Variants in CNTNAP2 observed in about 807,000 individuals in gnomAD.
CNTNAP2 encodes contactin-associated protein-like 2.
Under a neutral mutation model 155.2 loss-of-function variants are expected in CNTNAP2, and 98 were observed. The ratio of observed to expected loss-of-function variants is 0.63; its 90% CI spans 0.54 to 0.75. The LOEUF (loss-of-function observed/expected upper bound fraction) is 0.75. Among genes scored for constraint, CNTNAP2 ranks in the 30% least tolerant of loss-of-function variants. The pLI is 0.00. For synonymous variants in CNTNAP2, 651 were observed against 631.2 expected (o/e 1.03, Z -0.47); for missense variants, 1,727 against 1,688.1 (o/e 1.02, Z -0.40).
At chr7:146,460,499 G>A (rs1230621711) in intron 1 of CNTNAP2, among the ~76,000 whole-genome samples, 2 of 152,048 alleles carry the variant, frequency 1.3e-5, no homozygotes, top group East Asian at 1.9e-4. Context: ...AGCACTGTTC[G>A]CAATAGCCAA....
Position 147,395,761 on chromosome 7 carries a change from A to G in CNTNAP2, c.1651A>G (p.Met551Val). 1 of 1,612,314 alleles carries G rather than the reference A, an allele frequency of 6.2e-7. No individual in the cohort carries two copies. The highest frequency in any genetic ancestry group is 8.5e-7 in the Non-Finnish European group (1 of 1,178,668). ...PGSFANVSIDMCAIIDRCVPN... is the reference protein window; with the variant it reads ...PGSFANVSIDVCAIIDRCVPN... ...AAGTTTCGCGAATGTCAGCATTGAC[A>G]TGTGTGCGATCATAGACAGGTAAAT... The change falls in exon 10 of 24, where the codon ATG (methionine) becomes GTG (valine). Residue 551 changes from methionine to valine, a missense_variant. Coordinates refer to ENST00000361727, the MANE Select transcript of CNTNAP2 (RefSeq NM_014141.6).
At chr7:147,924,893 G>A (rs62471062) in intron 14 of CNTNAP2, among the ~76,000 whole-genome samples, 30,010 of 151,748 alleles carry the variant, frequency 0.2, 3,637 homozygotes, top group Middle Eastern at 0.34. Context: ...CTAGGCGGGC[G>A]GATCATGAGG....
At chr7:147,462,780 T>G (rs35658656) in intron 10 of CNTNAP2, among the ~76,000 whole-genome samples, 118,156 of 151,350 alleles carry the variant, frequency 0.78, 46,470 homozygotes, top group African/African-American at 0.88. Context: ...TTTGTTTGTT[T>G]GTTTGTTGGT....
intron 1 of CNTNAP2, chr7:146,117,208 G>T (rs1797496865): frequency 1.8e-6 from 1 of 557,536 alleles, no homozygotes. Flanking sequence ...TCCTGGTCTT[G>T]GTGATCGGTT....
chr7:147,380,889 TAGC>T (rs1377525704), intron 9 of CNTNAP2, among the ~76,000 whole-genome samples: 1 of 152,154 alleles, frequency 6.6e-6, no homozygotes, highest in Non-Finnish European at 1.5e-5. Flanking sequence ...ATTTTTTTAA[TAGC>T]AGAGCCATCC....
At chr7:148,364,398 G>T (rs888416224) in intron 21 of CNTNAP2, among the ~76,000 whole-genome samples, 4 of 152,182 alleles carry the variant, frequency 2.6e-5, no homozygotes, top group Non-Finnish European at 4.4e-5. Flanking sequence ...TTAGCTCAAG[G>T]TTTGTGAGTG....
intron 13 of CNTNAP2, among the ~76,000 whole-genome samples, chr7:147,762,764 AAAGG>A (rs781668344): frequency 1.2e-3 from 182 of 148,424 alleles, no homozygotes; most frequent in African/African-American, 2.9e-3. Flanking sequence ...GGAAGGAAGA[AAAGG>A]AAGGAAGGAA....
At chr7:146,699,594 G>A (rs1800840950) in intron 1 of CNTNAP2, among the ~76,000 whole-genome samples, 1 of 152,112 alleles carries the variant, frequency 6.6e-6, no homozygotes, top group African/African-American at 2.4e-5. Context: ...TCTTCTTTAA[G>A]ATTAATTCAG....
chr7:146,229,317 A>G (rs1799346103), intron 1 of CNTNAP2, among the ~76,000 whole-genome samples: 1 of 152,202 alleles, frequency 6.6e-6, no homozygotes, highest in Non-Finnish European at 1.5e-5. Context: ...TAAGCCATGA[A>G]ACTTTTTCTT....
intron 20 of CNTNAP2, among the ~76,000 whole-genome samples, chr7:148,242,363 C>G (rs541297444): frequency 1.3e-5 from 2 of 152,184 alleles, no homozygotes; most frequent in African/African-American, 2.4e-5. Context: ...CGCTGCCCTT[C>G]CACTCAGGCA....
At chr7:146,803,409 G>A (rs902725145) in intron 2 of CNTNAP2, among the ~76,000 whole-genome samples, 2 of 152,138 alleles carry the variant, frequency 1.3e-5, no homozygotes, top group African/African-American at 4.8e-5. Flanking sequence ...GACAAAAAGG[G>A]CTTAGGAGGT....
At position 146,611,979 on chromosome 7, in the gene CNTNAP2, T is replaced by C. The variant is rs1316006747; in HGVS notation, c.98-162292T>C. Among the ~76,000 whole-genome samples the C allele has an allele frequency of 2.0e-5, 3 of 152,226 alleles. No homozygotes were observed. The South Asian group carries it at 6.2e-4, about 32-fold the overall frequency. On this transcript the variant is annotated intron_variant, in intron 1 of 23. Coordinates refer to ENST00000361727, the MANE Select transcript of CNTNAP2 (RefSeq NM_014141.6). ...TGATATATACATAACATATAAAAGG[T>C]TATCCTTGTCCATCGATGAGTCAAG...
At chr7:148,226,610 C>T (rs1795854581) in intron 19 of CNTNAP2, among the ~76,000 whole-genome samples, 1 of 144,896 alleles carries the variant, frequency 6.9e-6, no homozygotes. Context: ...ATATGACCTT[C>T]CTCTAGGAAC....
At chr7:146,155,555 A>G (rs1398060938) in intron 1 of CNTNAP2, among the ~76,000 whole-genome samples, 1 of 152,138 alleles carries the variant, frequency 6.6e-6, no homozygotes, top group Non-Finnish European at 1.5e-5. Context: ...GCACATTTGC[A>G]GAATATACAC....
chr7:148,006,316 C>CT (rs68011639), intron 15 of CNTNAP2, among the ~76,000 whole-genome samples: 2,649 of 118,938 alleles, frequency 0.022, 56 homozygotes, highest in African/African-American at 0.048. Flanking sequence ...ATAGGAAGTT[C>CT]TTTTTTTTTT....
chr7:146,416,014 G>C (rs1403804186), intron 1 of CNTNAP2, among the ~76,000 whole-genome samples: 1 of 151,702 alleles, frequency 6.6e-6, no homozygotes, highest in Non-Finnish European at 1.5e-5. Context: ...TATATTCAAA[G>C]TCACATAAAA....
At chr7:146,483,309 A>T (rs1251765963) in intron 1 of CNTNAP2, among the ~76,000 whole-genome samples, 2 of 88,346 alleles carry the variant, frequency 2.3e-5, no homozygotes, top group African/African-American at 5.7e-5. Context: ...ATATATATAT[A>T]TATATATATA....
chr7:146,656,416 A>G (rs372808664), intron 1 of CNTNAP2, among the ~76,000 whole-genome samples: 29 of 152,242 alleles, frequency 1.9e-4, no homozygotes, highest in African/African-American at 7.0e-4. Flanking sequence ...GAAACAGTAT[A>G]TCTGTGAAAC....
chr7:146,981,094 G>A (rs1798007824), intron 3 of CNTNAP2, among the ~76,000 whole-genome samples: 1 of 152,118 alleles, frequency 6.6e-6, no homozygotes, highest in Non-Finnish European at 1.5e-5. Flanking sequence ...TATTATGGAA[G>A]GAGAAGCAGA....
Sources: allele counts gnomAD v4.1 joint callset (sites outside exome capture counted in the v4.1 genomes callset), GRCh38; gene constraint gnomAD v4.1.1; transcripts MANE v1.5; gene names NCBI Gene and HGNC (gene_info 2026-07-23, HGNC 2026-07-21).